RAPGEF2: variants seen among roughly 807,000 people sequenced by gnomAD.
RAPGEF2 encodes Rap guanine nucleotide exchange factor 2, also known as PDZ domain containing guanine nucleotide exchange factor (GEF) 1.
RAPGEF2 carries 54 observed loss-of-function variants against 186.7 expected under a neutral mutation model. The observed-to-expected ratio is 0.29, with a 90% CI of 0.23 to 0.36. The LOEUF is 0.36. RAPGEF2 is among the 10% of genes least tolerant of loss of function. The pLI is 1.00. For missense variants in RAPGEF2, 1,532 were observed against 2,045.0 expected, an observed-to-expected ratio of 0.75 and a Z score of 4.84; for synonymous variants, 712 against 705.9, an observed-to-expected ratio of 1.01 and a Z score of -0.14.
intron 7 of RAPGEF2, among the ~76,000 whole-genome samples, chr4:159,262,917 C>G (rs1017329244): frequency 6.6e-6 from 1 of 151,958 alleles, no homozygotes; most frequent in Non-Finnish European, 1.5e-5. Context: ...TGATACTGAA[C>G]ATGAACTCAA....
chr4:159,281,268 G>T (rs1759666852), intron 7 of RAPGEF2, among the ~76,000 whole-genome samples: 2 of 152,024 alleles, frequency 1.3e-5, no homozygotes, highest in Admixed American at 1.3e-4. Context: ...GGGATTACAG[G>T]TGTGAGCCAC....
At chr4:159,111,166 T>A (rs7659385) in intron 1 of RAPGEF2, among the ~76,000 whole-genome samples, 1 of 152,198 alleles carries the variant, frequency 6.6e-6, no homozygotes, top group South Asian at 2.1e-4. Context: ...TGGTGGTGGG[T>A]TTATTGGTTT....
intron 7 of RAPGEF2, among the ~76,000 whole-genome samples, chr4:159,295,754 T>TGTGTGTGTGTGC (rs1386754001): frequency 1.8e-5 from 2 of 113,934 alleles, no homozygotes; most frequent in African/African-American, 2.9e-5. Context: ...TGTGTGTGTG[T>TGTGTGTGTGTGC]GCGCGCGCGC....
chr4:159,283,899 AG>A (rs1760077763), intron 7 of RAPGEF2, among the ~76,000 whole-genome samples: 1 of 152,178 alleles, frequency 6.6e-6, no homozygotes, highest in Non-Finnish European at 1.5e-5. Flanking sequence ...AAATTCAAGC[AG>A]TTGCCAGATT....
chr4:159,182,060 T>C (rs1747065204), intron 1 of RAPGEF2, among the ~76,000 whole-genome samples: 1 of 152,240 alleles, frequency 6.6e-6, no homozygotes, highest in African/African-American at 2.4e-5. Flanking sequence ...ATGTACACTT[T>C]GTTAACTGGA....
intron 1 of RAPGEF2, among the ~76,000 whole-genome samples, chr4:159,168,967 A>T (rs1022568703): frequency 3.3e-5 from 5 of 152,194 alleles, no homozygotes; most frequent in African/African-American, 1.2e-4. Flanking sequence ...TCATAATTGA[A>T]TTTCTATCTT....
chr4:159,186,726 A>G lies in RAPGEF2; in HGVS notation c.140+14A>G. 1 of 1,378,844 alleles carries G rather than the reference A, an allele frequency of 7.3e-7. No homozygotes were observed. 85.4% of individuals were successfully genotyped at this position (1,378,844 alleles called of 1,614,324 possible). On this transcript the variant is annotated intron_variant, in intron 2 of 29. Transcript: ENST00000691494. ...GCATCAACTTAGGTATGTCATTTTA[A>G]TATTCAGTTAATCATAGAATGGTAA...
At chr4:159,294,972 C>T (rs977398688) in intron 7 of RAPGEF2, among the ~76,000 whole-genome samples, 6 of 152,140 alleles carry the variant, frequency 3.9e-5, no homozygotes, top group African/African-American at 1.4e-4. Context: ...GGATTACTGG[C>T]GTGAGCCATC....
At chr4:159,266,148 A>G (rs2110773305) in intron 7 of RAPGEF2, among the ~76,000 whole-genome samples, 1 of 152,134 alleles carries the variant, frequency 6.6e-6, no homozygotes, top group African/African-American at 2.4e-5. Flanking sequence ...GAGGTTAAGC[A>G]TATGTGGCAA....
intron 7 of RAPGEF2, among the ~76,000 whole-genome samples, chr4:159,244,810 A>C (rs984957114): frequency 6.6e-6 from 1 of 152,004 alleles, no homozygotes; most frequent in African/African-American, 2.4e-5. Flanking sequence ...ACGTATTAGA[A>C]TGCCACAGGT....
intron 1 of RAPGEF2, among the ~76,000 whole-genome samples, chr4:159,122,618 GGTACTACT>G (rs1330059443): frequency 1.3e-5 from 2 of 152,102 alleles, no homozygotes; most frequent in Non-Finnish European, 2.9e-5. Context: ...TTGTGCATAC[GGTACTACT>G]GTAATAATTT....
intron 7 of RAPGEF2, among the ~76,000 whole-genome samples, chr4:159,293,782 C>T (rs1761550784): frequency 6.6e-6 from 1 of 152,110 alleles, no homozygotes; most frequent in African/African-American, 2.4e-5. Flanking sequence ...GGTTGCAGCC[C>T]CTCTCCATTT....
intron 9 of RAPGEF2, among the ~76,000 whole-genome samples, chr4:159,320,735 G>T (rs1407370396): frequency 1.3e-5 from 2 of 152,042 alleles, no homozygotes; most frequent in African/African-American, 4.8e-5. Context: ...TATATTCACA[G>T]AATATATTTT....
intron 9 of RAPGEF2, among the ~76,000 whole-genome samples, chr4:159,321,342 G>T (rs574913210): frequency 2.6e-5 from 4 of 152,026 alleles, no homozygotes; most frequent in African/African-American, 9.6e-5. Flanking sequence ...GAGTAGCTAG[G>T]ACTATAGGTA....
chr4:159,253,274 C>T (rs1418112354), intron 7 of RAPGEF2, among the ~76,000 whole-genome samples: 5 of 152,320 alleles, frequency 3.3e-5, no homozygotes, highest in African/African-American at 1.2e-4. Flanking sequence ...TGTAACTTGC[C>T]TTACTCTCTT....
At chr4:159,238,772 G>A in intron 4 of RAPGEF2, 37 bp from the exon 5 acceptor site, 1 of 1,456,836 alleles carries the variant, frequency 6.9e-7, no homozygotes. Context: ...AAATCTCTGA[G>A]GTTCTCCTCA....
intron 17 of RAPGEF2, 82 bp downstream of exon 17, chr4:159,332,779 C>A: frequency 6.8e-7 from 1 of 1,472,032 alleles, no homozygotes; most frequent in Non-Finnish European, 9.2e-7. Context: ...TTAATGTTTG[C>A]ATGAGTCTGA....
At chr4:159,347,559 C>A (rs2111300368) in intron 25 of RAPGEF2, among the ~76,000 whole-genome samples, 1 of 151,920 alleles carries the variant, frequency 6.6e-6, no homozygotes, top group South Asian at 2.1e-4. Context: ...CTGAGGCGGG[C>A]AGATCACGAG....
intron 4 of RAPGEF2, among the ~76,000 whole-genome samples, chr4:159,233,385 C>T (rs1323149245): frequency 6.6e-6 from 1 of 152,126 alleles, no homozygotes; most frequent in African/African-American, 2.4e-5. Context: ...ATCCAGTAAT[C>T]CCACCACCAT....
Sources: allele counts gnomAD v4.1 joint callset (sites outside exome capture counted in the v4.1 genomes callset), GRCh38; gene constraint gnomAD v4.1.1; transcripts MANE v1.5; gene names NCBI Gene and HGNC (gene_info 2026-07-23, HGNC 2026-07-21).